DHX16: variants seen among roughly 807,000 people sequenced by gnomAD.
DHX16 encodes the protein DEAH-box helicase 16.
In DHX16, 81 loss-of-function variants were observed where a neutral mutation model predicts 131.2. The observed-to-expected ratio is 0.62, with a 90% CI of 0.52 to 0.74. The LOEUF (loss-of-function observed/expected upper bound fraction) is 0.74. DHX16 is among the 30% of genes least tolerant of loss of function. The pLI, the probability that DHX16 is intolerant of heterozygous loss-of-function variation, is 0.00. For missense variants in DHX16, 980 were observed against 1,363.1 expected (o/e 0.72, Z 4.43); for synonymous variants, 440 against 520.2 (o/e 0.85, Z 2.10).
rs374502011 is a variant in DHX16, at chr6:30,656,927, C to G, written c.2148+25G>C. 49 of 1,605,074 alleles carry G rather than the reference C, an allele frequency of 3.1e-5. No individual in the cohort carries two copies. In the South Asian group the frequency reaches 4.0e-4, roughly 13 times the overall value. On this transcript the variant is annotated intron_variant, in intron 13 of 19. Transcript: ENST00000376442. This position sits in a 1 kb window ranked among gnomAD's most constrained non-coding sequence, Gnocchi z 5.1. ...CTCTGTGGGCCAACTCCACCTCCCC[C>G]ACTCCCATGCATCCCCAGGCTGACC...
chr6:30,672,196 G>A (rs1385347256), intron 1 of DHX16, among the ~76,000 whole-genome samples: 1 of 151,682 alleles, frequency 6.6e-6, no homozygotes, highest in Admixed American at 6.6e-5. Flanking sequence ...GCGCGCGCCC[G>A]TAGTCCCAGC....
At position 30,671,067 on chromosome 6, in the gene DHX16, C is replaced by T. The variant is rs763573836; in HGVS notation, c.415G>A (p.Glu139Lys). 3 of 1,613,000 alleles carry T rather than the reference C, an allele frequency of 1.9e-6. No homozygotes were observed. Among genetic ancestry groups the T allele is most frequent in the Non-Finnish European group, 2.5e-6 (3 of 1,180,046 alleles). ...RKKREEEEEE[E>K]ASEKGKKKTG... ...TTCTTCTTCCCTTTCTCAGAAGCCT[C>T]TTCCTCCTCTTCTTCCTCACGCTTC... Residue 139 changes from glutamate to lysine, a missense_variant, in exon 2 of 20, where the codon GAG becomes AAG. Physicochemically the swap from Glu to Lys is moderately conservative, Grantham distance 56. Transcript: ENST00000376442.
rs1768042991 is a variant in DHX16 at position 30,656,972 on chromosome 6, T to C, written c.2128A>G (p.Thr710Ala). 6.2e-7 allele frequency: 1 copy of C among 1,612,724 alleles called. No individual in the cohort carries two copies. Among genetic ancestry groups the C allele is most frequent in the Non-Finnish European group, 8.5e-7 (1 of 1,179,930 alleles). ...YNPRTGMESL[T>A]VTPCSKASAN... ...CTGACCTTGCTGCAGGGTGTGACAG[T>C]GAGCGATTCCATGCCTGTGCGGGGG... Residue 710 changes from threonine (T) to alanine (A), a missense_variant, in exon 13 of 20, where the codon ACT becomes GCT. By Grantham distance (58) the Thr-to-Ala change is moderately conservative (BLOSUM62 0). Coordinates refer to ENST00000376442, the MANE Select transcript of DHX16 (RefSeq NM_003587.5). The surrounding 1 kb of genome is among the most constrained non-coding windows in gnomAD (Gnocchi z 5.1).
intron 12 of DHX16, among the ~76,000 whole-genome samples, chr6:30,657,480 G>C (rs1188647058): frequency 2.6e-5 from 4 of 151,942 alleles, no homozygotes; most frequent in African/African-American, 7.3e-5. Context: ...ATGGCATCCA[G>C]GATGGTCCTT....
At position 30,655,513 on chromosome 6, in the gene DHX16, G is replaced by T; in HGVS notation, c.2583C>A (p.Val861=). 6.2e-7 allele frequency: 1 copy of T among 1,613,152 alleles called. No homozygotes were observed. The highest frequency in any genetic ancestry group is 1.7e-5 in the Admixed American group (1 of 60,014). ...NSIFYRPKDK[V]VHADNARVNF... ...TGACACGGGCATTGTCAGCATGGAC[G>T]ACCTTGTCCTTTGGTCGGTAGAAGA... The change falls in exon 17 of 20, where the codon GTC becomes GTA. Residue 861 remains valine (V), a synonymous_variant. Transcript: ENST00000376442.
intron 12 of DHX16, among the ~76,000 whole-genome samples, chr6:30,657,646 A>G (rs1371634786): frequency 6.6e-6 from 1 of 151,906 alleles, no homozygotes; most frequent in African/African-American, 2.4e-5. Context: ...CACTCCTCCC[A>G]CACACTGCTT....
chr6:30,654,859 A>G lies in DHX16; in HGVS notation c.2844T>C (p.Phe948=). The stretch of plus-strand genomic sequence containing the variant: ...TCCGAGTCAACCGTGCCGTGTGGTA[A>G]AAGTAACCAGCAGTGATGGCCTAAG... The part of the protein sequence containing the change: ...RVRKAITAGY[F]YHTARLTRSG... The change falls in exon 19 of 20, where the codon TTT becomes TTC. Residue 948 remains phenylalanine, a synonymous_variant. Coordinates refer to ENST00000376442, the MANE Select transcript of DHX16 (RefSeq NM_003587.5). 6.2e-7 allele frequency: 1 copy of G among 1,612,848 alleles called. No homozygotes were observed. The highest frequency in any genetic ancestry group is 8.5e-7 in the Non-Finnish European group (1 of 1,179,912).
At chr6:30,654,031 A>T (rs1016825384) in intron 19 of DHX16, among the ~76,000 whole-genome samples, 2 of 152,026 alleles carry the variant, frequency 1.3e-5, no homozygotes, top group Admixed American at 6.6e-5. Flanking sequence ...AGGCAGGGGA[A>T]TCACTTGAAA....
intron 12 of DHX16, among the ~76,000 whole-genome samples, chr6:30,658,315 G>A (rs1313833248): frequency 6.6e-6 from 1 of 152,160 alleles, no homozygotes; most frequent in Non-Finnish European, 1.5e-5. Flanking sequence ...GGCCAAGGTG[G>A]GCAGATCACC....
rs1767888886 is a variant in DHX16 at position 30,655,431 on chromosome 6, T to C, written c.2661+4A>G. On this transcript the variant is annotated splice_donor_region_variant and intron_variant, in intron 17 of 19. Coordinates refer to ENST00000376442, the MANE Select transcript of DHX16 (RefSeq NM_003587.5). ...CTCATTCCCACTCACCCAAGCCCAGTGACCTGTGTGTAAACATTTAGCAGA... is the reference window on the plus strand; with the variant it reads ...CTCATTCCCACTCACCCAAGCCCAGCGACCTGTGTGTAAACATTTAGCAGA... 1 of 1,613,964 alleles carries C rather than the reference T, an allele frequency of 6.2e-7. No homozygotes were observed. Among genetic ancestry groups the C allele is most frequent in the East Asian group, 2.2e-5 (1 of 44,880 alleles).
intron 19 of DHX16, among the ~76,000 whole-genome samples, 192 bp from the exon 20 acceptor site, chr6:30,653,562 A>G (rs1249349058): frequency 2.4e-5 from 3 of 126,486 alleles, no homozygotes; most frequent in Non-Finnish European, 5.1e-5. Flanking sequence ...CACACATCAC[A>G]GTGCACCATT....
chr6:30,654,507 G>A lies in DHX16; in HGVS notation c.2997+199C>T, dbSNP rs549041679. 3.2e-4 allele frequency among the ~76,000 whole-genome samples: 48 copies of A among 152,148 alleles called. No homozygotes were observed. The South Asian group carries it at 6.9e-3, about 22-fold the overall frequency. ...AGAGGTTGCAGTGAGGCTAGATTGCGCCACTGCACTCCAGCCTGGACAACA... is the reference window on the plus strand; with the variant it reads ...AGAGGTTGCAGTGAGGCTAGATTGCACCACTGCACTCCAGCCTGGACAACA... On this transcript the variant is annotated intron_variant, in intron 19 of 19. Coordinates refer to ENST00000376442, the MANE Select transcript of DHX16 (RefSeq NM_003587.5).
intron 19 of DHX16, among the ~76,000 whole-genome samples, chr6:30,653,799 G>A (rs2127574945): frequency 6.6e-6 from 1 of 152,288 alleles, no homozygotes; most frequent in African/African-American, 2.4e-5. Context: ...TGTTATTCAA[G>A]ATACCAAATA....
chr6:30,661,435 G>A (rs1427247558), intron 9 of DHX16, among the ~76,000 whole-genome samples: 2 of 152,178 alleles, frequency 1.3e-5, no homozygotes, highest in Non-Finnish European at 2.9e-5. Flanking sequence ...TTCAATAAGG[G>A]TGGGCCAGCA....
intron 19 of DHX16, among the ~76,000 whole-genome samples, chr6:30,653,817 C>T (rs569863434): frequency 1.2e-4 from 19 of 152,262 alleles, no homozygotes; most frequent in Non-Finnish European, 2.1e-4. Flanking sequence ...ATAAGCTATT[C>T]CCAAGAAAAG....
In DHX16 at chr6:30,659,597, G is replaced by T; in HGVS notation, c.1882C>A (p.Leu628Ile). The change falls in exon 12 of 20, where the codon CTC becomes ATC. Residue 628 changes from leucine to isoleucine, a missense_variant. Physicochemically the swap from Leu to Ile is conservative, Grantham distance 5. Around this residue, in one of 3 missense-constraint regions of DHX16, gnomAD observed 309 missense variants for 537.1 expected, o/e 0.58. Coordinates refer to ENST00000376442, the MANE Select transcript of DHX16 (RefSeq NM_003587.5). ...CCCAGGCGGCGGCAGCGATCCTGGA[G>T]CATCTCACAGGCAGCCTCAATCTCC... ...QEEIEAACEMLQDRCRRLGSK... is the reference protein window; with the variant it reads ...QEEIEAACEMIQDRCRRLGSK... 1.2e-6 allele frequency: 2 copies of T among 1,613,852 alleles called. No individual in the cohort carries two copies. The highest frequency in any genetic ancestry group is 1.7e-6 in the Non-Finnish European group (2 of 1,180,014).
intron 12 of DHX16, among the ~76,000 whole-genome samples, 186 bp from the exon 13 acceptor site, chr6:30,657,278 G>C (rs1768074657): frequency 6.6e-6 from 1 of 151,968 alleles, no homozygotes; most frequent in Non-Finnish European, 1.5e-5. Flanking sequence ...GTGGGGGCTG[G>C]GAGTCAGCAG....
Position 30,662,555 on chromosome 6 carries a change from G to T in DHX16, c.1544+72C>A. ...AACCACAAAGATTCAAGAACGGGTG[G>T]ATTAATCAGAAGACAATGGCTGAAT... On this transcript the variant is annotated intron_variant, in intron 9 of 19. Coordinates refer to ENST00000376442, the MANE Select transcript of DHX16 (RefSeq NM_003587.5). This position sits in a 1 kb window ranked among gnomAD's most constrained non-coding sequence, Gnocchi z 4.7. The T allele has an allele frequency of 7.7e-7, 1 of 1,300,758 alleles. No individual in the cohort carries two copies. The highest frequency in any genetic ancestry group is 1.1e-6 in the Non-Finnish European group (1 of 903,982). The allele number at this position is 1,300,758 out of a possible 1,614,324, so 80.6% of individuals were successfully genotyped here. A position where few individuals can be genotyped will look rare whatever the true frequency, so the allele number is the denominator to read the frequency against.
In DHX16 at chr6:30,656,407, A is replaced by G. The variant is rs777867178; in HGVS notation, c.2414T>C (p.Leu805Pro). 7 of 1,614,000 alleles carry G rather than the reference A, an allele frequency of 4.3e-6. No individual in the cohort carries two copies. The Admixed American group carries it at 5.0e-5, about 12-fold the overall frequency. The change falls in exon 15 of 20, where the codon CTT becomes CCT. Residue 805 changes from leucine to proline, a missense_variant. Physicochemically the swap from Leu to Pro is moderately conservative, Grantham distance 98. Around this residue, in one of 3 missense-constraint regions of DHX16, gnomAD observed 309 missense variants for 537.1 expected, o/e 0.58. Coordinates refer to ENST00000376442, the MANE Select transcript of DHX16 (RefSeq NM_003587.5). The surrounding 1 kb of genome is among the most constrained non-coding windows in gnomAD (Gnocchi z 5.1). ...CCGACTCACCGTGGTGAGCTCCCCA[A>G]GGTGGTTGAGGGCTCCCAGAGCATA... ...QLYALGALNH[L>P]GELTTSGRKM...
Sources: gnomAD v4.1 joint callset for allele counts (sites outside exome capture counted in the v4.1 genomes callset) on GRCh38, gnomAD v4.1.1 for gene constraint, gnomAD v4.1.1 regional missense constraint, Gnocchi (gnomAD v3.1) non-coding constraint, MANE v1.5 for transcripts, NCBI Gene and HGNC (gene_info 2026-07-23, HGNC 2026-07-21) for gene names.